SLC9A7: variants seen among roughly 807,000 people sequenced by gnomAD.
SLC9A7 encodes the protein solute carrier family 9 member A7.
Under a neutral mutation model 52.6 loss-of-function variants are expected in SLC9A7, and 19 were observed. That is an observed-to-expected ratio of 0.36 (90% CI 0.25 to 0.53). The LOEUF (loss-of-function observed/expected upper bound fraction) is 0.53, where lower values mean the gene tolerates loss of function less well. Among genes scored for constraint, SLC9A7 ranks in the 20% least tolerant of loss-of-function variants. The pLI, the probability that SLC9A7 is intolerant of heterozygous loss-of-function variation, is 0.91. For synonymous variants in SLC9A7, 226 were observed against 252.1 expected (o/e 0.90, Z 0.98); for missense variants, 455 against 597.9 (o/e 0.76, Z 2.49).
Position 46,673,355 on chromosome X carries a change from A to AACAC in SLC9A7, c.604-732_604-729dup, listed in dbSNP as rs57016133. Among the ~76,000 whole-genome samples, 655 of 102,633 alleles carry AACAC rather than the reference A, an allele frequency of 6.4e-3. 7 individuals are homozygous for AACAC. Among genetic ancestry groups the AACAC allele is most frequent in the African/African-American group, 0.022 (615 of 28,222 alleles). 89.1% of individuals were successfully genotyped at this position (102,633 alleles called of 115,157 possible). On this transcript the variant is annotated intron_variant, in intron 3 of 16. Transcript: ENST00000616978. ...ATTCATTGGTTACCTTAAAAATATA[A>AACAC]ACACACACACACACACACACACACA...
At chrX:46,669,084 C>T (rs925273229) in intron 5 of SLC9A7, among the ~76,000 whole-genome samples, 8 of 106,256 alleles carry the variant, frequency 7.5e-5, no homozygotes, top group Non-Finnish European at 1.5e-4. Flanking sequence ...AGGAGAATGG[C>T]GTGAACATGG....
Position 46,718,879 on chromosome X carries a change from G to C in SLC9A7, c.326-36344C>G, listed in dbSNP as rs867687585. Among the ~76,000 whole-genome samples the C allele has an allele frequency of 2.4e-4, 27 of 112,111 alleles. No individual in the cohort carries two copies. The Admixed American group carries it at 2.5e-3, about 11-fold the overall frequency. ...GTAAACTAGTTCAACCATTGTGGAA[G>C]ACAGTGTGGTGATTCCTCAAGGATC... is the stretch of plus-strand genomic sequence containing the variant. On this transcript the variant is annotated intron_variant, in intron 1 of 16. Coordinates refer to ENST00000616978, the MANE Select transcript of SLC9A7 (RefSeq NM_001257291.2).
At chrX:46,681,070 G>C (rs1335686452) in intron 2 of SLC9A7, among the ~76,000 whole-genome samples, 1 of 112,270 alleles carries the variant, frequency 8.9e-6, no homozygotes. Context: ...TATCAACCAA[G>C]CTATGTCAAC....
At chrX:46,688,584 C>T (rs1244975601) in intron 1 of SLC9A7, among the ~76,000 whole-genome samples, 5 of 93,560 alleles carry the variant, frequency 5.3e-5, no homozygotes, top group South Asian at 9.9e-4. Context: ...GCAACAAGAG[C>T]GAAACTCCGC....
chrX:46,657,165 C>A (rs1220365871), intron 7 of SLC9A7, among the ~76,000 whole-genome samples: 1 of 110,375 alleles, frequency 9.1e-6, no homozygotes, highest in Non-Finnish European at 1.9e-5. Context: ...TATAGACAAG[C>A]AAATGCTGAG....
intron 1 of SLC9A7, among the ~76,000 whole-genome samples, chrX:46,748,344 C>CAAAA (rs1178403270): frequency 2.8e-5 from 1 of 35,973 alleles, no homozygotes; most frequent in Admixed American, 4.7e-4. Flanking sequence ...GAAACTCTGT[C>CAAAA]AAAAAAAAAA....
chrX:46,746,385 A>T (rs752741600), intron 1 of SLC9A7, among the ~76,000 whole-genome samples: 2 of 111,339 alleles, frequency 1.8e-5, no homozygotes, highest in East Asian at 5.6e-4. Context: ...AAATAATTGC[A>T]AACTATCCAT....
At chrX:46,758,663 C>A in intron 1 of SLC9A7, 42 bp downstream of exon 1, 1 of 975,093 alleles carries the variant, frequency 1.0e-6, no homozygotes. Context: ...AGCGCGGCGG[C>A]CGAGGGGTGT....
At chrX:46,756,383 G>C (rs912859087) in intron 1 of SLC9A7, among the ~76,000 whole-genome samples, 4 of 112,164 alleles carry the variant, frequency 3.6e-5, no homozygotes, top group Admixed American at 2.8e-4. Context: ...TCAAAGATTT[G>C]CTTGACAGTA....
chrX:46,601,516 C>G lies in SLC9A7; in HGVS notation c.*5436G>C, dbSNP rs764560678. The G allele has an allele frequency of 8.9e-6, 1 of 112,457 alleles. No individual in the cohort carries two copies. Among genetic ancestry groups the G allele is most frequent in the Non-Finnish European group, 1.9e-5 (1 of 53,277 alleles). 9.3% of individuals were successfully genotyped at this position (112,457 alleles called of 1,213,427 possible). A position where few individuals can be genotyped will look rare whatever the true frequency, so the allele number is the denominator to read the frequency against. On this transcript the variant is annotated 3_prime_UTR_variant, in exon 17 of 17. Transcript: ENST00000616978. ...CTTTTGCATGTTTTCTAAAGAGATT[C>G]CATTTGTCAGCCAAACCACAGAGGA...
intron 5 of SLC9A7, among the ~76,000 whole-genome samples, chrX:46,663,635 T>A (rs1357589825): frequency 2.3e-5 from 1 of 43,010 alleles, no homozygotes; most frequent in Non-Finnish European, 4.1e-5. Context: ...TGAAACTCCA[T>A]CTCAAAAAAA....
At chrX:46,665,371 A>C (rs977181019) in intron 5 of SLC9A7, among the ~76,000 whole-genome samples, 7 of 110,596 alleles carry the variant, frequency 6.3e-5, no homozygotes, top group Admixed American at 1.9e-4. Flanking sequence ...CATGTAGTCA[A>C]GGGCACTTAG....
rs1431831947 is a variant in SLC9A7, at chrX:46,682,402, G to A, written c.459C>T (p.Tyr153=). Residue 153 remains tyrosine (Y), a synonymous_variant, in exon 2 of 17, where the codon TAC becomes TAT. Coordinates refer to ENST00000616978, the MANE Select transcript of SLC9A7 (RefSeq NM_001257291.2). ...CAGGACTGATTTCTCCTTTCAGAGT[G>A]TATTCGAAGAACTTTCCGCTGACAT... ...LVNVSGKFFE[Y]TLKGEISPGK... is the part of the protein sequence containing the mutation. 1 of 1,209,519 alleles carries A rather than the reference G, an allele frequency of 8.3e-7. No homozygotes were observed. The highest frequency in any genetic ancestry group is 1.8e-5 in the African/African-American group (1 of 57,069).
chrX:46,684,422 C>G (rs1364868480), intron 1 of SLC9A7, among the ~76,000 whole-genome samples: 2 of 111,781 alleles, frequency 1.8e-5, no homozygotes, highest in East Asian at 2.8e-4. Context: ...CTAGGCTGGT[C>G]TCGAACTATT....
chrX:46,710,626 AAGAGAGAG>A (rs892548471), intron 1 of SLC9A7, among the ~76,000 whole-genome samples: 3 of 110,018 alleles, frequency 2.7e-5, no homozygotes, highest in African/African-American at 9.9e-5. Context: ...TGGGAAAAAA[AAGAGAGAG>A]AGAGAGAGAA....
At chrX:46,664,607 C>T (rs1005911981) in intron 5 of SLC9A7, among the ~76,000 whole-genome samples, 2 of 111,523 alleles carry the variant, frequency 1.8e-5, no homozygotes, top group African/African-American at 3.3e-5. Context: ...AGTCTGAAGC[C>T]TCTTCCTTCA....
At chrX:46,628,160 G>A (rs983385131) in intron 14 of SLC9A7, among the ~76,000 whole-genome samples, 2 of 112,042 alleles carry the variant, frequency 1.8e-5, no homozygotes, top group Non-Finnish European at 3.8e-5. Flanking sequence ...CTGCTCCAAA[G>A]TGGCCTCATC....
chrX:46,722,780 A>C (rs930103464), intron 1 of SLC9A7, among the ~76,000 whole-genome samples: 4 of 112,013 alleles, frequency 3.6e-5, no homozygotes, highest in African/African-American at 6.5e-5. Context: ...GTGGGCTCCA[A>C]TCAGAGGTAC....
intron 3 of SLC9A7, among the ~76,000 whole-genome samples, chrX:46,677,277 A>G (rs749584631): frequency 4.3e-4 from 48 of 111,518 alleles, no homozygotes; most frequent in Middle Eastern, 4.2e-3. Flanking sequence ...CAGGCCCAAC[A>G]ATTTCTAGGA....
Sources: allele counts gnomAD v4.1 joint callset (sites outside exome capture counted in the v4.1 genomes callset), GRCh38; gene constraint gnomAD v4.1.1; transcripts MANE v1.5; gene names NCBI Gene and HGNC (gene_info 2026-07-23, HGNC 2026-07-21).